Variants in CASZ1 observed in about 807,000 individuals in gnomAD.
CASZ1 encodes castor zinc finger 1, also known as zinc finger protein castor homolog 1.
CASZ1 carries 28 observed loss-of-function variants against 135.2 expected under a neutral mutation model. The ratio of observed to expected loss-of-function variants is 0.21; its 90% confidence interval spans 0.15 to 0.28. The LOEUF is 0.28. CASZ1 is among the 10% of genes least tolerant of loss of function. The pLI is 1.00. For missense variants in CASZ1, 2,161 were observed against 2,453.3 expected (o/e 0.88, Z 2.52); for synonymous variants, 1,068 against 1,073.4 (o/e 0.99, Z 0.10).
At chr1:10,790,435 A>G (rs1640935819) in intron 1 of CASZ1, among the ~76,000 whole-genome samples, 1 of 152,130 alleles carries the variant, frequency 6.6e-6, no homozygotes, top group Non-Finnish European at 1.5e-5. Flanking sequence ...CTCCTCTACC[A>G]GGCTTGTTTG....
intron 11 of CASZ1, chr1:10,651,594 C>G (rs72858525): frequency 6.6e-6 from 1 of 152,432 alleles, no homozygotes; most frequent in African/African-American, 2.4e-5. Context: ...CGGGTGACCT[C>G]GCAGTCAAGC....
intron 4 of CASZ1, among the ~76,000 whole-genome samples, chr1:10,687,747 C>T (rs1044171311): frequency 1.3e-5 from 2 of 152,220 alleles, no homozygotes; most frequent in Admixed American, 1.3e-4. Context: ...CCTGTCCCCA[C>T]TGGGCAGCAG....
chr1:10,710,237 C>T (rs1639260214), intron 2 of CASZ1, among the ~76,000 whole-genome samples: 1 of 152,170 alleles, frequency 6.6e-6, no homozygotes, highest in Non-Finnish European at 1.5e-5. Context: ...TGTCTTGGAC[C>T]TTCCCCAGTC....
intron 2 of CASZ1, among the ~76,000 whole-genome samples, chr1:10,731,620 G>A (rs937275262): frequency 3.9e-5 from 6 of 152,050 alleles, no homozygotes; most frequent in Non-Finnish European, 8.8e-5. Flanking sequence ...AAAACAAAAC[G>A]AAGTGCTTAT....
chr1:10,718,393 A>G (rs1335653686), intron 2 of CASZ1, among the ~76,000 whole-genome samples: 1 of 152,262 alleles, frequency 6.6e-6, no homozygotes, highest in Non-Finnish European at 1.5e-5. Context: ...TCAAAGCAGC[A>G]GCTACAATCA....
rs540130866 is a variant in CASZ1 at position 10,649,681 on chromosome 1, C to G, written c.2881-244G>C. On this transcript the variant is annotated intron_variant, in intron 13 of 20. Transcript: ENST00000377022. ...CAGGGCTCCTCCACATGAGCCCGTG[C>G]CGCGGGATCCATCACTCAAGCCGAG... 59 of 483,890 alleles carry G rather than the reference C, an allele frequency of 1.2e-4. 1 individual carries two copies. The South Asian group carries it at 2.2e-3, about 18-fold the overall frequency. The allele number at this position is 483,890 out of a possible 1,614,324, so 30.0% of individuals were successfully genotyped here. A position where few individuals can be genotyped will look rare whatever the true frequency, so the allele number is the denominator to read the frequency against.
intron 1 of CASZ1, among the ~76,000 whole-genome samples, chr1:10,778,665 G>C (rs569276371): frequency 5.9e-5 from 9 of 152,254 alleles, no homozygotes; most frequent in Middle Eastern, 3.4e-3. Context: ...CAGTGGACAC[G>C]AGGAGGAGAG....
chr1:10,660,577 T>G (rs1336092745), intron 5 of CASZ1, 41 bp from the exon 6 acceptor site: 1 of 1,559,944 alleles, frequency 6.4e-7, no homozygotes, highest in Non-Finnish European at 8.7e-7. Flanking sequence ...TGGGAGGGAG[T>G]GGGAGGGACA....
intron 2 of CASZ1, among the ~76,000 whole-genome samples, chr1:10,728,339 C>T (rs1256966454): frequency 1.3e-5 from 2 of 152,228 alleles, no homozygotes; most frequent in African/African-American, 4.8e-5. Flanking sequence ...GACAACCACG[C>T]ACCATCATTT....
Position 10,653,740 on chromosome 1 carries a change from A to G in CASZ1, c.2317T>C (p.Ser773Pro), listed in dbSNP as rs148334451. 3.5e-5 allele frequency: 57 copies of G among 1,608,878 alleles called. No homozygotes were observed. The African/African-American group carries it at 6.6e-4, about 19-fold the overall frequency. The part of the protein sequence containing the change: ...SATKPPNSKI[S>P]GLLPQGLPGS... ...GGCAGGCCCTGGGGCAGCAGCCCCG[A>G]GATCTTGCTGTTGGGAGGTTTGGTG... Residue 773 changes from serine (S) to proline (P), a missense_variant, in exon 11 of 21, where the codon TCG (serine) becomes CCG (proline). Transcript: ENST00000377022.
At position 10,711,765 on chromosome 1, in the gene CASZ1, C is replaced by G. The variant is rs1308911340; in HGVS notation, c.-76-6221G>C. Reference sequence around the variant, plus strand: ...TCAGCTATAAAAAAGGAGTGAAGTTCTGATATGGGCTACAATGTGGATAGA... The same window carrying G: ...TCAGCTATAAAAAAGGAGTGAAGTTGTGATATGGGCTACAATGTGGATAGA... On this transcript the variant is annotated intron_variant, in intron 2 of 20. Coordinates refer to ENST00000377022, the MANE Select transcript of CASZ1 (RefSeq NM_001079843.3). This position sits in a 1 kb window ranked among gnomAD's most constrained non-coding sequence, Gnocchi z 4.4. Among the ~76,000 whole-genome samples, 1 of 152,094 alleles carries G rather than the reference C, an allele frequency of 6.6e-6. No homozygotes were observed. The highest frequency in any genetic ancestry group is 1.5e-5 in the Non-Finnish European group (1 of 68,034).
chr1:10,669,049 G>A (rs982141994), intron 4 of CASZ1, among the ~76,000 whole-genome samples: 8 of 152,318 alleles, frequency 5.3e-5, no homozygotes, highest in African/African-American at 1.9e-4. Context: ...AGGTCTCCCC[G>A]CAGGTCTCTG....
Position 10,701,214 on chromosome 1 carries a change from G to A in CASZ1, c.-24+4278C>T, listed in dbSNP as rs1639053573. Among the ~76,000 whole-genome samples, 2 of 152,200 alleles carry A rather than the reference G, an allele frequency of 1.3e-5. No homozygotes were observed. Among genetic ancestry groups the A allele is most frequent in the Admixed American group, 1.3e-4 (2 of 15,286 alleles). ...CTCCCTGGCAGGGAAGCGGGTACGTGGCCCTCCTCCTGCCTCCTGCCCGGG... is the reference window on the plus strand; with the variant it reads ...CTCCCTGGCAGGGAAGCGGGTACGTAGCCCTCCTCCTGCCTCCTGCCCGGG... On this transcript the variant is annotated intron_variant, in intron 3 of 20. Transcript: ENST00000377022. This position sits in a 1 kb window ranked among gnomAD's most constrained non-coding sequence, Gnocchi z 6.3.
At chr1:10,689,524 AC>A (rs1638700909) in intron 4 of CASZ1, among the ~76,000 whole-genome samples, 1 of 152,092 alleles carries the variant, frequency 6.6e-6, no homozygotes, top group Non-Finnish European at 1.5e-5. Context: ...GCTGGTCCCT[AC>A]CAGGGAAAAA....
Position 10,671,777 on chromosome 1 carries a change from C to T in CASZ1, c.17-6206G>A, listed in dbSNP as rs183187022. Among the ~76,000 whole-genome samples the T allele has an allele frequency of 5.8e-3, 877 of 152,338 alleles. 12 individuals are homozygous for T. Among genetic ancestry groups the T allele is most frequent in the African/African-American group, 0.02 (825 of 41,580 alleles). ...CTCGCTATGCCCGAGGCTGGCACACCCCAGATGCGGCACTGGGCTCAGGAA... is the reference window on the plus strand; with the variant it reads ...CTCGCTATGCCCGAGGCTGGCACACTCCAGATGCGGCACTGGGCTCAGGAA... On this transcript the variant is annotated intron_variant, in intron 4 of 20. Coordinates refer to ENST00000377022, the MANE Select transcript of CASZ1 (RefSeq NM_001079843.3).
intron 2 of CASZ1, among the ~76,000 whole-genome samples, chr1:10,758,215 T>A (rs1433266568): frequency 6.6e-6 from 1 of 152,100 alleles, no homozygotes; most frequent in East Asian, 1.9e-4. Flanking sequence ...TTTGTTTTTG[T>A]GGGTTTGTTT....
Position 10,639,012 on chromosome 1 carries a change from G to A in CASZ1, c.5210C>T (p.Thr1737Ile). 1 of 994,806 alleles carries A rather than the reference G, an allele frequency of 1.0e-6. No individual in the cohort carries two copies. Among genetic ancestry groups the A allele is most frequent in the Non-Finnish European group, 1.2e-6 (1 of 835,278 alleles). The allele number at this position is 994,806 out of a possible 1,614,324, so 61.6% of individuals were successfully genotyped here. A position where few individuals can be genotyped will look rare whatever the true frequency, so the allele number is the denominator to read the frequency against. The change falls in exon 21 of 21, where the codon ACC (threonine) becomes ATC (isoleucine). Residue 1737 changes from threonine to isoleucine, a missense_variant. Thr to Ile is a moderately conservative substitution (Grantham distance 89). Transcript: ENST00000377022. The surrounding 1 kb of genome is among the most constrained non-coding windows in gnomAD (Gnocchi z 4.0). Reference sequence around the variant, plus strand: ...GGCCGCCAGCGCCGCCAAGGCCGGGGTCCGCGCGCCCGCGCCCGCCGCCTC... The same window carrying A: ...GGCCGCCAGCGCCGCCAAGGCCGGGATCCGCGCGCCCGCGCCCGCCGCCTC... ...AAEAAGAGAR[T>I]PALAALAALG...
rs375864672 is a variant in CASZ1 at position 10,639,944 on chromosome 1, G to C, written c.4278C>G (p.Asp1426Glu). Residue 1426 changes from aspartate to glutamate, a missense_variant, in exon 21 of 21, where the codon GAC becomes GAG. Around this residue, in one of 7 missense-constraint regions of CASZ1, gnomAD observed 143 missense variants for 128.3 expected, o/e 1.11. Coordinates refer to ENST00000377022, the MANE Select transcript of CASZ1 (RefSeq NM_001079843.3). This position sits in a 1 kb window ranked among gnomAD's most constrained non-coding sequence, Gnocchi z 4.0. ...GGAAGCCCTCCAGCATCATGCCCTC[G>C]TCCAGCATCTTCCGGGAGGACGCCG... The part of the protein sequence containing the change: ...RKTASSRKML[D>E]EGMMLEGFRR... 2 of 1,612,940 alleles carry C rather than the reference G, an allele frequency of 1.2e-6. No individual in the cohort carries two copies. Among genetic ancestry groups the C allele is most frequent in the Non-Finnish European group, 1.7e-6 (2 of 1,180,008 alleles).
Position 10,665,179 on chromosome 1 carries a change from C to T in CASZ1, c.409G>A (p.Glu137Lys), listed in dbSNP as rs776644197. ...GCACCGCCGTCCTTGGAGGGCTCCT[C>T]CGCGTGGTCTTCCTCATCGCTGCAC... ...QGCSDEEDHAEEPSKDGGALE... is the reference protein window; with the variant it reads ...QGCSDEEDHAKEPSKDGGALE... The change falls in exon 5 of 21, where the codon GAG becomes AAG. Residue 137 changes from glutamate (E) to lysine (K), a missense_variant. Glu to Lys is a moderately conservative substitution (Grantham distance 56). This residue lies in a region of CASZ1 where 590 missense variants were observed against 609.8 expected (regional missense o/e 0.97). Transcript: ENST00000377022. The T allele has an allele frequency of 6.4e-7, 1 of 1,567,692 alleles. No homozygotes were observed. Among genetic ancestry groups the T allele is most frequent in the South Asian group, 1.2e-5 (1 of 84,154 alleles).
Sources: gnomAD v4.1 joint callset for allele counts (sites outside exome capture counted in the v4.1 genomes callset) on GRCh38, gnomAD v4.1.1 for gene constraint, gnomAD v4.1.1 regional missense constraint, Gnocchi (gnomAD v3.1) non-coding constraint, MANE v1.5 for transcripts, NCBI Gene and HGNC (gene_info 2026-07-23, HGNC 2026-07-21) for gene names.